LIN7A: variants seen among roughly 807,000 people sequenced by gnomAD.
The protein encoded by LIN7A is lin-7 cell polarity scaffold A, also known as protein lin-7 homolog A.
Under a neutral mutation model 29.8 loss-of-function variants are expected in LIN7A, and 25 were observed. The ratio of observed to expected loss-of-function variants is 0.84; its 90% CI spans 0.61 to 1.17. The LOEUF (loss-of-function observed/expected upper bound fraction) is 1.17, where lower values mean the gene tolerates loss of function less well. Ranked by LOEUF, LIN7A falls within the 50% of genes most tolerant of loss-of-function variation. LIN7A has a pLI of 0.00. For synonymous variants in LIN7A, 118 were observed against 107.5 expected, an observed-to-expected ratio of 1.10 and a Z score of -0.60; for missense variants, 239 against 287.0, an observed-to-expected ratio of 0.83 and a Z score of 1.21.
At chr12:80,907,462 G>C (rs1876545001) in intron 1 of LIN7A, among the ~76,000 whole-genome samples, 1 of 152,178 alleles carries the variant, frequency 6.6e-6, no homozygotes, top group African/African-American at 2.4e-5. Context: ...GGACTTGGAA[G>C]TCAACAGTCC....
intron 2 of LIN7A, among the ~76,000 whole-genome samples, chr12:80,867,775 A>G (rs1469954817): frequency 6.6e-6 from 1 of 152,162 alleles, no homozygotes; most frequent in East Asian, 1.9e-4. Context: ...ACTTTAAAAA[A>G]TGTTTTTCCC....
rs540529277 is a variant in LIN7A at position 80,902,996 on chromosome 12, G to A, written c.83-13627C>T. Among the ~76,000 whole-genome samples the A allele has an allele frequency of 8.7e-4, 131 of 151,274 alleles. 1 individual carries two copies. Among genetic ancestry groups the A allele is most frequent in the African/African-American group, 3.1e-3 (128 of 41,302 alleles). Reference sequence around the variant, plus strand: ...TCAGCATGATGTTGTTTGTGGGTTTGTCATAAATAGCTTTTATTATTTTGA... The same window carrying A: ...TCAGCATGATGTTGTTTGTGGGTTTATCATAAATAGCTTTTATTATTTTGA... On this transcript the variant is annotated intron_variant, in intron 1 of 5. Transcript: ENST00000552864.
intron 2 of LIN7A, among the ~76,000 whole-genome samples, chr12:80,884,480 A>G (rs898718394): frequency 1.3e-5 from 2 of 152,180 alleles, no homozygotes; most frequent in Non-Finnish European, 2.9e-5. Context: ...ATCATATAAA[A>G]CATTACTAGT....
At chr12:80,856,835 AAAAACAAAAC>A (rs148640451) in intron 2 of LIN7A, among the ~76,000 whole-genome samples, 9 of 151,606 alleles carry the variant, frequency 5.9e-5, no homozygotes. Context: ...ACTTATAACT[AAAAACAAAAC>A]AAAACAAAAC....
chr12:80,805,965 CT>C (rs371558613), intron 5 of LIN7A, among the ~76,000 whole-genome samples: 16,853 of 127,024 alleles, frequency 0.13, 568 homozygotes, highest in Non-Finnish European at 0.16. Context: ...GTAATCCCAG[CT>C]ACTTGGGAGG....
At chr12:80,884,602 T>C in intron 2 of LIN7A, among the ~76,000 whole-genome samples, 1 of 151,242 alleles carries the variant, frequency 6.6e-6, no homozygotes, top group East Asian at 1.9e-4. Flanking sequence ...AAAGCAGTTA[T>C]CATAACCATA....
chr12:80,869,164 A>T (rs1033123366), intron 2 of LIN7A, among the ~76,000 whole-genome samples: 3 of 149,312 alleles, frequency 2.0e-5, no homozygotes, highest in Admixed American at 1.3e-4. Context: ...ATATATATAT[A>T]TATTTATGTG....
chr12:80,850,694 G>C (rs1160360577), intron 2 of LIN7A, among the ~76,000 whole-genome samples: 15 of 152,164 alleles, frequency 9.9e-5, no homozygotes, highest in Non-Finnish European at 5.9e-5. Flanking sequence ...TGTCAATAGG[G>C]CTGAGATTGA....
rs537313130 is a variant in LIN7A, at chr12:80,841,357, A to G, written c.483+4373T>C. Among the ~76,000 whole-genome samples the G allele has an allele frequency of 7.9e-5, 6 of 76,066 alleles. No individual in the cohort carries two copies. The East Asian group carries it at 1.6e-3, about 20-fold the overall frequency. 49.9% of individuals were successfully genotyped at this position (76,066 alleles called of 152,430 possible). The stretch of plus-strand genomic sequence containing the variant: ...GAAAGAGGGAGGGAAGGAAGGAAGG[A>G]AGGAAGGAAGGAAGGAAGGAAGGAA... On this transcript the variant is annotated intron_variant, in intron 4 of 5. Coordinates refer to ENST00000552864, the MANE Select transcript of LIN7A (RefSeq NM_004664.4).
intron 1 of LIN7A, among the ~76,000 whole-genome samples, chr12:80,908,450 T>C (rs1307981175): frequency 6.6e-6 from 1 of 151,986 alleles, no homozygotes; most frequent in Non-Finnish European, 1.5e-5. Flanking sequence ...TATATAATTA[T>C]ATGGGAAGTA....
chr12:80,851,334 G>T (rs1021192824), intron 2 of LIN7A, among the ~76,000 whole-genome samples: 1 of 150,340 alleles, frequency 6.7e-6, no homozygotes, highest in Non-Finnish European at 1.5e-5. Context: ...TTAGTGGAAT[G>T]AATCCAATAT....
intron 5 of LIN7A, among the ~76,000 whole-genome samples, chr12:80,806,630 C>T (rs1330855349): frequency 6.6e-6 from 1 of 152,050 alleles, no homozygotes; most frequent in Non-Finnish European, 1.5e-5. Context: ...TTGGTTTTTG[C>T]TTGACTGGTT....
intron 1 of LIN7A, among the ~76,000 whole-genome samples, chr12:80,935,439 T>C (rs1227663196): frequency 6.6e-6 from 1 of 152,170 alleles, no homozygotes; most frequent in Non-Finnish European, 1.5e-5. Flanking sequence ...TTCAAACTCC[T>C]GATGTGGCAC....
At chr12:80,806,568 C>T (rs1328791006) in intron 5 of LIN7A, among the ~76,000 whole-genome samples, 3 of 152,118 alleles carry the variant, frequency 2.0e-5, no homozygotes, top group African/African-American at 7.2e-5. Context: ...GTAGAAATTG[C>T]ATTTCATTTG....
At chr12:80,932,558 A>G (rs148664178) in intron 1 of LIN7A, among the ~76,000 whole-genome samples, 5 of 152,394 alleles carry the variant, frequency 3.3e-5, no homozygotes, top group Admixed American at 3.3e-4. Flanking sequence ...TAATCATGTC[A>G]TAAGGAAAGT....
intron 1 of LIN7A, among the ~76,000 whole-genome samples, chr12:80,907,072 T>TGTGTGTGA (rs1378462310): frequency 7.5e-5 from 11 of 146,742 alleles, no homozygotes. Flanking sequence ...TGTGTGTGTG[T>TGTGTGTGA]GTGTGTGTGT....
chr12:80,923,686 G>A (rs1877433086), intron 1 of LIN7A, among the ~76,000 whole-genome samples: 2 of 152,040 alleles, frequency 1.3e-5, no homozygotes, highest in South Asian at 4.2e-4. Flanking sequence ...GTCTTTGCAA[G>A]CACCTGTGCC....
chr12:80,856,326 A>C (rs1592899347), intron 2 of LIN7A, among the ~76,000 whole-genome samples: 1 of 152,290 alleles, frequency 6.6e-6, no homozygotes, highest in East Asian at 1.9e-4. Context: ...AAAGGACAAC[A>C]TCTTTGTTAG....
intron 1 of LIN7A, among the ~76,000 whole-genome samples, chr12:80,928,639 G>T (rs1281530918): frequency 6.6e-6 from 1 of 152,062 alleles, no homozygotes; most frequent in African/African-American, 2.4e-5. Context: ...CCATTCTGTA[G>T]GTTGCCTGTT....
Sources: gnomAD v4.1 joint callset for allele counts (sites outside exome capture counted in the v4.1 genomes callset) on GRCh38, gnomAD v4.1.1 for gene constraint, MANE v1.5 for transcripts, NCBI Gene and HGNC (gene_info 2026-07-23, HGNC 2026-07-21) for gene names.